Variants in AASS observed in about 807,000 individuals in gnomAD.
The protein encoded by AASS is aminoadipate-semialdehyde synthase.
In AASS, 86 loss-of-function variants were observed where a neutral mutation model predicts 105.4. That is an observed-to-expected ratio of 0.82 (90% CI 0.69 to 0.98). AASS has a LOEUF of 0.98. Among genes scored for constraint, AASS ranks in the 50% least tolerant of loss-of-function variants. The pLI is 0.00. For synonymous variants in AASS, 381 were observed against 394.8 expected, an observed-to-expected ratio of 0.96 and a Z score of 0.41; for missense variants, 1,048 against 1,143.2, an observed-to-expected ratio of 0.92 and a Z score of 1.20.
intron 19 of AASS, chr7:122,082,729 A>C (rs751654897): frequency 8.0e-5 from 71 of 891,470 alleles, no homozygotes; most frequent in Non-Finnish European, 1.1e-4. Flanking sequence ...GTATTATATT[A>C]ATAGGTGCTA....
chr7:122,079,719 A>T lies in AASS; in HGVS notation c.2281-7T>A. 6.3e-7 allele frequency: 1 copy of T among 1,597,226 alleles called. No individual in the cohort carries two copies. Among genetic ancestry groups the T allele is most frequent in the Non-Finnish European group, 8.6e-7 (1 of 1,164,720 alleles). ...GGTCACAGAGGAGTTGTTTCTGGTTAGAAAAAGAAATACAATATTTCTAAG... is the reference window on the plus strand; with the variant it reads ...GGTCACAGAGGAGTTGTTTCTGGTTTGAAAAAGAAATACAATATTTCTAAG... On this transcript the variant is annotated splice_polypyrimidine_tract_variant and splice_region_variant and intron_variant, in intron 20 of 23. Transcript: ENST00000417368.
intron 15 of AASS, among the ~76,000 whole-genome samples, chr7:122,095,942 A>G (rs1037541532): frequency 5.3e-5 from 8 of 152,172 alleles, no homozygotes; most frequent in Admixed American, 1.3e-4. Context: ...ATATTTTAAA[A>G]CTTTGGCCTT....
intron 1 of AASS, among the ~76,000 whole-genome samples, chr7:122,142,003 A>T (rs973143812): frequency 1.3e-5 from 2 of 152,186 alleles, no homozygotes; most frequent in Non-Finnish European, 2.9e-5. Context: ...CCAAAAACAC[A>T]ATCAAGAAAG....
At chr7:122,107,752 G>A (rs899701767) in intron 11 of AASS, among the ~76,000 whole-genome samples, 9 of 152,176 alleles carry the variant, frequency 5.9e-5, no homozygotes, top group East Asian at 1.9e-4. Context: ...CTTCCTGAGG[G>A]AGAAGGGAGA....
In AASS at chr7:122,086,094, G is replaced by T. The variant is rs199911929; in HGVS notation, c.2102C>A (p.Pro701His). 1.2e-6 allele frequency: 2 copies of T among 1,613,462 alleles called. No individual in the cohort carries two copies. Among genetic ancestry groups the T allele is most frequent in the African/African-American group, 1.3e-5 (1 of 74,920 alleles). ...FFPGLNLEGY[P>H]NRDSTKYAEI... ...AGCATATTTCGTACTGTCTCTGTTA[G>T]GATAGCCTTCCAAATTTAATCCTGG... Residue 701 changes from proline (P) to histidine (H), a missense_variant, in exon 19 of 24, where the codon CCT (proline) becomes CAT (histidine). Transcript: ENST00000417368.
At chr7:122,133,474 C>T (rs1439231203) in intron 2 of AASS, 43 bp downstream of exon 2, 2 of 1,593,042 alleles carry the variant, frequency 1.3e-6, no homozygotes. Context: ...TTTTCATATG[C>T]AGGTTCATTT....
Position 122,116,652 on chromosome 7 carries a change from A to T in AASS, c.875T>A (p.Ile292Lys), listed in dbSNP as rs1183025355. ...AEYDKHPERY[I>K]SRFNTDIAPY... ...ACTCACATCAGTATTAAAACGACTTATGTAGCGCTCCGGATGTTTGTCATA... is the reference window on the plus strand; with the variant it reads ...ACTCACATCAGTATTAAAACGACTTTTGTAGCGCTCCGGATGTTTGTCATA... Residue 292 changes from isoleucine (I) to lysine (K), a missense_variant, in exon 8 of 24, where the codon ATA becomes AAA. By Grantham distance (102) the Ile-to-Lys change is moderately radical. Coordinates refer to ENST00000417368, the MANE Select transcript of AASS (RefSeq NM_005763.4). The T allele has an allele frequency of 6.2e-7, 1 of 1,614,120 alleles. No homozygotes were observed. Among genetic ancestry groups the T allele is most frequent in the Admixed American group, 1.7e-5 (1 of 60,024 alleles).
chr7:122,087,897 C>A (rs927753049), intron 18 of AASS, among the ~76,000 whole-genome samples: 1 of 152,090 alleles, frequency 6.6e-6, no homozygotes, highest in African/African-American at 2.4e-5. Context: ...GAAATCCTTA[C>A]AAAGAAGATG....
At chr7:122,080,037 T>C (rs1324255907) in intron 20 of AASS, among the ~76,000 whole-genome samples, 2 of 152,128 alleles carry the variant, frequency 1.3e-5, no homozygotes, top group Non-Finnish European at 2.9e-5. Context: ...TTTTATCCAT[T>C]CTCCCCCTAC....
At chr7:122,119,019 C>A (rs1325769033) in intron 4 of AASS, among the ~76,000 whole-genome samples, 1 of 152,126 alleles carries the variant, frequency 6.6e-6, no homozygotes, top group Admixed American at 6.6e-5. Context: ...CCATGCCTCC[C>A]ATAACAAAAA....
At chr7:122,139,782 T>A (rs1031965845) in intron 1 of AASS, among the ~76,000 whole-genome samples, 1 of 151,996 alleles carries the variant, frequency 6.6e-6, no homozygotes, top group African/African-American at 2.4e-5. Context: ...CAAAACCCCA[T>A]CTCTACTAAA....
At chr7:122,143,820 T>C (rs2270884) in intron 1 of AASS, among the ~76,000 whole-genome samples, 24,168 of 152,008 alleles carry the variant, frequency 0.16, 2,056 homozygotes, top group South Asian at 0.27. Flanking sequence ...GCACCACCAC[T>C]GTCCGCCAAA....
chr7:122,081,389 CA>C (rs1368855128), intron 20 of AASS, 110 bp downstream of exon 20: 8 of 874,318 alleles, frequency 9.1e-6, no homozygotes, highest in East Asian at 4.8e-5. Flanking sequence ...TCTTCCTGCT[CA>C]TAAGCTAAAA....
In AASS at chr7:122,142,872, GA is replaced by G. The variant is rs1398517550; in HGVS notation, c.-16+1288del. 7.9e-5 allele frequency among the ~76,000 whole-genome samples: 12 copies of G among 152,134 alleles called. No individual in the cohort carries two copies. The East Asian group carries it at 2.3e-3, about 29-fold the overall frequency. On this transcript the variant is annotated intron_variant, in intron 1 of 23. Transcript: ENST00000417368. ...CCAAGGTCTGTTAAACGACTAGTGA[GA>G]AAAAAAATTCAATGACAAATAAACC...
chr7:122,079,167 A>G (rs1793185478), intron 21 of AASS: 2 of 1,443,808 alleles, frequency 1.4e-6, no homozygotes, highest in African/African-American at 1.4e-5. Context: ...TGCTCCCTGG[A>G]GCAGGGCAGA....
Position 122,133,521 on chromosome 7 carries a change from T to C in AASS, c.206A>G (p.Asp69Gly). The change falls in exon 2 of 24, where the codon GAT (aspartate) becomes GGT (glycine). Residue 69 changes from aspartate (D) to glycine (G), a missense_variant. Coordinates refer to ENST00000417368, the MANE Select transcript of AASS (RefSeq NM_005763.4). ...AAAAATATTGGAAATACTCACCTTA[T>C]CATGAATGGCCCGCCGATTCGAAGG... is the stretch of plus-strand genomic sequence containing the variant. ...IQPSNRRAIH[D>G]KDYVKAGGIL... 1 of 1,614,174 alleles carries C rather than the reference T, an allele frequency of 6.2e-7. No individual in the cohort carries two copies. Among genetic ancestry groups the C allele is most frequent in the Non-Finnish European group, 8.5e-7 (1 of 1,179,998 alleles).
intron 19 of AASS, among the ~76,000 whole-genome samples, chr7:122,085,737 AC>A (rs1197696517): frequency 4.6e-5 from 7 of 152,120 alleles, no homozygotes; most frequent in Non-Finnish European, 1.5e-5. Context: ...AAGAGCTGAG[AC>A]GTTACGAGAA....
chr7:122,098,931 A>C, intron 13 of AASS, 65 bp from the exon 14 acceptor site: 1 of 1,466,208 alleles, frequency 6.8e-7, no homozygotes, highest in African/African-American at 1.4e-5. Context: ...TTTTTAAATA[A>C]CAGAATCTTG....
intron 19 of AASS, among the ~76,000 whole-genome samples, chr7:122,082,196 T>C (rs544974745): frequency 1.3e-5 from 2 of 152,296 alleles, no homozygotes; most frequent in Admixed American, 1.3e-4. Flanking sequence ...AAATTCCTCA[T>C]ATGTCCTTCA....
Sources: gnomAD v4.1 joint callset for allele counts (sites outside exome capture counted in the v4.1 genomes callset) on GRCh38, gnomAD v4.1.1 for gene constraint, MANE v1.5 for transcripts, NCBI Gene and HGNC (gene_info 2026-07-23, HGNC 2026-07-21) for gene names.